Variants in PTPRQ observed in about 807,000 individuals in gnomAD.
The protein encoded by PTPRQ is phosphatidylinositol phosphatase PTPRQ.
PTPRQ carries 199 observed loss-of-function variants against 246.0 expected under a neutral mutation model. The ratio of observed to expected loss-of-function variants is 0.81; its 90% CI spans 0.72 to 0.91. The LOEUF (loss-of-function observed/expected upper bound fraction) is 0.91, where lower values mean the gene tolerates loss of function less well. PTPRQ is among the 40% of genes least tolerant of loss of function. The pLI, the probability that PTPRQ is intolerant of heterozygous loss-of-function variation, is 0.00. For synonymous variants in PTPRQ, 869 were observed against 853.2 expected (o/e 1.02, Z -0.32); for missense variants, 2,624 against 2,528.4 (o/e 1.04, Z -0.81).
At chr12:80,594,257 A>G (rs1897896452) in intron 26 of PTPRQ, among the ~76,000 whole-genome samples, 1 of 152,196 alleles carries the variant, frequency 6.6e-6, no homozygotes, top group African/African-American at 2.4e-5. Context: ...TATCCTTTTT[A>G]TAAAGAAGCA....
At chr12:80,548,837 G>A (rs1299180046) in intron 24 of PTPRQ, among the ~76,000 whole-genome samples, 2 of 152,096 alleles carry the variant, frequency 1.3e-5, no homozygotes, top group Non-Finnish European at 2.9e-5. Context: ...AGGCCTACCA[G>A]ATATAGAGGA....
intron 35 of PTPRQ, among the ~76,000 whole-genome samples, chr12:80,642,969 T>TA (rs1380013259): frequency 1.3e-5 from 2 of 148,428 alleles, no homozygotes; most frequent in Non-Finnish European, 3.0e-5. Context: ...TCTCAAGTGC[T>TA]AGGCACTGTT....
intron 4 of PTPRQ, among the ~76,000 whole-genome samples, chr12:80,459,040 A>G (rs1415675696): frequency 6.6e-6 from 1 of 152,110 alleles, no homozygotes; most frequent in Non-Finnish European, 1.5e-5. Flanking sequence ...AATTTTTTTC[A>G]TACTTATTTG....
In PTPRQ at chr12:80,642,919, T is replaced by TAAA. The variant is rs902888826; in HGVS notation, c.5916-5953_5916-5951dup. On this transcript the variant is annotated intron_variant, in intron 35 of 44. Transcript: ENST00000644991. Reference sequence around the variant, plus strand: ...TGGGCGACAGAGCGAGACTCCGTCTTAAAAAAAAAAAAAAAAAAAAAAAAA... The same window carrying TAAA: ...TGGGCGACAGAGCGAGACTCCGTCTTAAAAAAAAAAAAAAAAAAAAAAAAAAAA... Among the ~76,000 whole-genome samples, 47 of 77,230 alleles carry TAAA rather than the reference T, an allele frequency of 6.1e-4. 1 individual carries two copies. The highest frequency in any genetic ancestry group is 1.7e-3 in the East Asian group (4 of 2,382). The allele number at this position is 77,230 out of a possible 152,430, so 50.7% of individuals were successfully genotyped here. A position where few individuals can be genotyped will look rare whatever the true frequency, so the allele number is the denominator to read the frequency against.
chr12:80,449,610 C>G (rs1217835790), intron 3 of PTPRQ, among the ~76,000 whole-genome samples: 2 of 151,730 alleles, frequency 1.3e-5, no homozygotes, highest in African/African-American at 2.4e-5. Flanking sequence ...CCAGTTTTCC[C>G]AGCACCATTT....
chr12:80,475,559 T>C (rs912379926), intron 8 of PTPRQ, among the ~76,000 whole-genome samples: 3 of 152,066 alleles, frequency 2.0e-5, no homozygotes, highest in African/African-American at 7.2e-5. Context: ...TCTTCTCTAG[T>C]TTCCCCATAA....
intron 25 of PTPRQ, among the ~76,000 whole-genome samples, chr12:80,577,814 G>A (rs1302421186): frequency 6.6e-6 from 1 of 151,940 alleles, no homozygotes; most frequent in African/African-American, 2.4e-5. Context: ...GACTAATTTG[G>A]CACATTAGTA....
intron 14 of PTPRQ, among the ~76,000 whole-genome samples, chr12:80,499,306 G>T (rs1206334099): frequency 6.6e-6 from 1 of 151,962 alleles, no homozygotes; most frequent in Non-Finnish European, 1.5e-5. Context: ...CTAAGTTAGG[G>T]TAGTCTCAAG....
intron 13 of PTPRQ, 48 bp downstream of exon 13, chr12:80,496,154 A>G: frequency 1.9e-6 from 3 of 1,544,536 alleles, no homozygotes; most frequent in Non-Finnish European, 2.6e-6. Flanking sequence ...AGTGGTTGTA[A>G]ATGCTCACTG....
intron 4 of PTPRQ, among the ~76,000 whole-genome samples, 157 bp downstream of exon 4, chr12:80,457,801 T>A (rs1455335158): frequency 6.6e-6 from 1 of 152,090 alleles, no homozygotes; most frequent in Non-Finnish European, 1.5e-5. Context: ...GCTAATTTAT[T>A]CCTTAAAATA....
chr12:80,671,471 A>G (rs983087694), intron 42 of PTPRQ, among the ~76,000 whole-genome samples: 1 of 152,134 alleles, frequency 6.6e-6, no homozygotes, highest in Admixed American at 6.6e-5. Context: ...CACTAAAAGA[A>G]AAGTACTTTC....
At chr12:80,509,270 C>T (rs908302505) in intron 16 of PTPRQ, among the ~76,000 whole-genome samples, 1 of 151,912 alleles carries the variant, frequency 6.6e-6, no homozygotes, top group Non-Finnish European at 1.5e-5. Flanking sequence ...ATAATGAAAA[C>T]ATGCACACAT....
chr12:80,632,720 C>T (rs1429777185), intron 34 of PTPRQ, among the ~76,000 whole-genome samples: 1 of 152,154 alleles, frequency 6.6e-6, no homozygotes, highest in Non-Finnish European at 1.5e-5. Context: ...ACTTCTAGCA[C>T]ATGCAACCTA....
intron 14 of PTPRQ, among the ~76,000 whole-genome samples, chr12:80,500,426 T>G (rs1423818713): frequency 6.6e-6 from 1 of 151,972 alleles, no homozygotes; most frequent in Non-Finnish European, 1.5e-5. Context: ...TAAGGGTAAA[T>G]GAATAAAAAT....
At chr12:80,453,426 G>C (rs570137914) in intron 3 of PTPRQ, among the ~76,000 whole-genome samples, 1 of 152,128 alleles carries the variant, frequency 6.6e-6, no homozygotes, top group African/African-American at 2.4e-5. Context: ...CGTTCCTTTG[G>C]AGGAGGAGAG....
intron 20 of PTPRQ, among the ~76,000 whole-genome samples, chr12:80,540,652 A>AT (rs1336569401): frequency 2.6e-5 from 4 of 152,104 alleles, no homozygotes; most frequent in African/African-American, 9.7e-5. Flanking sequence ...AAATTGACAG[A>AT]TTCCTTAAGC....
chr12:80,457,809 A>G (rs920613300), intron 4 of PTPRQ, among the ~76,000 whole-genome samples, 165 bp downstream of exon 4: 2 of 152,110 alleles, frequency 1.3e-5, no homozygotes, highest in Non-Finnish European at 2.9e-5. Flanking sequence ...ATTCCTTAAA[A>G]TATATATTAT....
At chr12:80,608,957 T>A (rs1898441348) in intron 27 of PTPRQ, among the ~76,000 whole-genome samples, 1 of 150,694 alleles carries the variant, frequency 6.6e-6, no homozygotes, top group Non-Finnish European at 1.5e-5. Flanking sequence ...AACAACTAGT[T>A]AAATACACAT....
Position 80,495,061 on chromosome 12 carries a change from C to T in PTPRQ, c.1669C>T (p.Pro557Ser). Residue 557 changes from proline (P) to serine (S), a missense_variant, in exon 11 of 45, where the codon CCA becomes TCA. Coordinates refer to ENST00000644991, the MANE Select transcript of PTPRQ (RefSeq NM_001145026.2). ...TTTCACCATCATGGGAGAAGGACCA[C>T]CAACAGTTCTCAGTGTTAGGACACG... ...SAFTIMGEGP[P>S]TVLSVRTRQQ... 1 of 1,550,540 alleles carries T rather than the reference C, an allele frequency of 6.4e-7. No individual in the cohort carries two copies. The highest frequency in any genetic ancestry group is 2.4e-5 in the East Asian group (1 of 40,834).
Sources: gnomAD v4.1 joint callset for allele counts (sites outside exome capture counted in the v4.1 genomes callset) on GRCh38, gnomAD v4.1.1 for gene constraint, MANE v1.5 for transcripts, NCBI Gene and HGNC (gene_info 2026-07-23, HGNC 2026-07-21) for gene names.